The following TMC1 variants were observed in gnomAD, a reference collection of about 807,000 sequenced individuals.
The protein encoded by TMC1 is transmembrane channel-like protein 1.
A neutral mutation model predicts 105.8 loss-of-function variants in TMC1; 84 were observed. That is an observed-to-expected ratio of 0.79 (90% CI 0.67 to 0.95). TMC1 has a LOEUF of 0.95. TMC1 is among the 40% of genes least tolerant of loss of function. The pLI is 0.00. For missense variants in TMC1, 817 were observed against 914.1 expected (o/e 0.89, Z 1.37); for synonymous variants, 315 against 311.5 (o/e 1.01, Z -0.12).
chr9:72,619,836 T>TTA (rs1564449125), intron 3 of TMC1, among the ~76,000 whole-genome samples: 66 of 143,846 alleles, frequency 4.6e-4, no homozygotes, highest in Non-Finnish European at 7.5e-4. Flanking sequence ...TTAATTAATT[T>TTA]ATTTATTTAT....
chr9:72,540,526 C>T (rs962094072), intron 1 of TMC1, among the ~76,000 whole-genome samples: 1 of 152,072 alleles, frequency 6.6e-6, no homozygotes, highest in African/African-American at 2.4e-5. Flanking sequence ...ATTCCACCTC[C>T]TCTCCAAACC....
chr9:72,719,877 A>G (rs1346703191), intron 8 of TMC1, among the ~76,000 whole-genome samples: 1 of 152,244 alleles, frequency 6.6e-6, no homozygotes, highest in Non-Finnish European at 1.5e-5. Flanking sequence ...GATTTTGTCC[A>G]TCAAAAGGTA....
intron 1 of TMC1, among the ~76,000 whole-genome samples, chr9:72,526,869 T>G (rs1823414877): frequency 6.6e-6 from 1 of 152,214 alleles, no homozygotes; most frequent in Admixed American, 6.5e-5. Flanking sequence ...GAGGAACTCT[T>G]CCTTCCAGAG....
chr9:72,709,036 A>T (rs1826791868), intron 8 of TMC1, among the ~76,000 whole-genome samples: 1 of 151,896 alleles, frequency 6.6e-6, no homozygotes, highest in South Asian at 2.1e-4. Flanking sequence ...TAAGAGCAGA[A>T]AGTTTAATAG....
chr9:72,635,161 G>A (rs1825513009), intron 4 of TMC1, among the ~76,000 whole-genome samples: 1 of 151,870 alleles, frequency 6.6e-6, no homozygotes, highest in Non-Finnish European at 1.5e-5. Flanking sequence ...ACTGAGGCAG[G>A]AGAATTGCTT....
rs1796993 is a variant in TMC1 at position 72,700,522 on chromosome 9, G to A, written c.241G>A (p.Glu81Lys). 303,897 of 1,586,800 alleles carry A rather than the reference G, an allele frequency of 0.19. 32,970 individuals are homozygous for A. Among genetic ancestry groups the A allele is most frequent in the East Asian group, 0.4 (17,360 of 43,814 alleles). Residue 81 changes from glutamate to lysine, a missense_variant, in exon 8 of 24, where the codon GAA becomes AAA. Physicochemically the swap from Glu to Lys is moderately conservative, Grantham distance 56 (BLOSUM62 1). Coordinates refer to ENST00000297784, the MANE Select transcript of TMC1 (RefSeq NM_138691.3). ...GTTTCTTTTTTACTTTTAAAGAGAA[G>A]AAGAAGAAATTGATGAAGAGGAATT... ...RRRRLKRGAE[E>K]EEIDEEELER...
intron 8 of TMC1, among the ~76,000 whole-genome samples, chr9:72,718,918 A>G (rs754719515): frequency 3.3e-5 from 5 of 152,062 alleles, no homozygotes; most frequent in Admixed American, 6.6e-5. Flanking sequence ...TCTCAGGTCA[A>G]TGGAGTTATG....
chr9:72,820,716 C>G (rs2118297879), intron 19 of TMC1, 126 bp from the exon 20 acceptor site: 1 of 1,174,852 alleles, frequency 8.5e-7, no homozygotes, highest in Non-Finnish European at 1.2e-6. Context: ...AAGGGTTTGT[C>G]TGGTTGAAAG....
intron 15 of TMC1, among the ~76,000 whole-genome samples, chr9:72,789,597 A>C (rs1828231149): frequency 6.6e-6 from 1 of 152,248 alleles, no homozygotes; most frequent in African/African-American, 2.4e-5. Context: ...TGGGAATGAT[A>C]AATCTCAAGA....
At chr9:72,599,792 A>C (rs1026055749) in intron 2 of TMC1, among the ~76,000 whole-genome samples, 1 of 151,920 alleles carries the variant, frequency 6.6e-6, no homozygotes, top group Non-Finnish European at 1.5e-5. Flanking sequence ...CCTGGGCGAC[A>C]AGAGCCAAAC....
At chr9:72,733,562 G>A (rs762394278) in intron 8 of TMC1, among the ~76,000 whole-genome samples, 6 of 152,080 alleles carry the variant, frequency 3.9e-5, no homozygotes, top group South Asian at 2.1e-4. Flanking sequence ...TTATACAGCC[G>A]TCCACCCTTA....
At chr9:72,659,977 A>G (rs1199985349) in intron 5 of TMC1, among the ~76,000 whole-genome samples, 1 of 152,232 alleles carries the variant, frequency 6.6e-6, no homozygotes, top group East Asian at 1.9e-4. Flanking sequence ...ACTGCCTAAT[A>G]TGACATCATT....
At chr9:72,824,067 C>T (rs2118309437) in intron 20 of TMC1, among the ~76,000 whole-genome samples, 1 of 152,370 alleles carries the variant, frequency 6.6e-6, no homozygotes, top group South Asian at 2.1e-4. Flanking sequence ...CTGTGCTTAA[C>T]CCCTTGTGGG....
At chr9:72,684,358 A>C (rs1435770242) in intron 5 of TMC1, among the ~76,000 whole-genome samples, 2 of 152,112 alleles carry the variant, frequency 1.3e-5, no homozygotes, top group African/African-American at 4.8e-5. Context: ...CCAGTGGTCA[A>C]TTTTCAGTCC....
intron 8 of TMC1, among the ~76,000 whole-genome samples, chr9:72,704,559 G>A (rs141962033): frequency 6.6e-6 from 1 of 152,146 alleles, no homozygotes; most frequent in African/African-American, 2.4e-5. Context: ...GGAATTGGTT[G>A]TGAATCCATA....
intron 2 of TMC1, among the ~76,000 whole-genome samples, chr9:72,603,334 A>C (rs1190430074): frequency 6.6e-6 from 1 of 150,682 alleles, no homozygotes; most frequent in Non-Finnish European, 1.5e-5. Flanking sequence ...CCTACCCATA[A>C]CCATGTGAGT....
chr9:72,757,155 C>G (rs2118076043), intron 12 of TMC1, among the ~76,000 whole-genome samples: 1 of 152,294 alleles, frequency 6.6e-6, no homozygotes, highest in African/African-American at 2.4e-5. Flanking sequence ...ATTTTATTCA[C>G]TTACAGGCTT....
chr9:72,811,062 A>T (rs1302012565), intron 18 of TMC1, among the ~76,000 whole-genome samples: 2 of 152,306 alleles, frequency 1.3e-5, no homozygotes, highest in East Asian at 3.9e-4. Context: ...TGACACAACC[A>T]GTTGTAATGC....
At chr9:72,560,341 T>C (rs1824023856) in intron 1 of TMC1, among the ~76,000 whole-genome samples, 1 of 152,228 alleles carries the variant, frequency 6.6e-6, no homozygotes, top group South Asian at 2.1e-4. Flanking sequence ...ATGTACAGTA[T>C]AAACACCTCT....
Sources: allele counts gnomAD v4.1 joint callset (sites outside exome capture counted in the v4.1 genomes callset), GRCh38; gene constraint gnomAD v4.1.1; transcripts MANE v1.5; gene names NCBI Gene and HGNC (gene_info 2026-07-23, HGNC 2026-07-21).